The following TTC29 variants were observed in gnomAD, a reference collection of about 807,000 sequenced individuals.
The protein encoded by TTC29 is tetratricopeptide repeat protein 29.
In TTC29, 49 loss-of-function variants were observed where a neutral mutation model predicts 58.1. The ratio of observed to expected loss-of-function variants is 0.84; its 90% confidence interval spans 0.67 to 1.07. The LOEUF (loss-of-function observed/expected upper bound fraction) is 1.07, where lower values mean the gene tolerates loss of function less well. Ranked by LOEUF, TTC29 falls within the 50% of genes least tolerant of loss-of-function variation. The pLI is 0.00. For synonymous variants in TTC29, 209 were observed against 196.8 expected, an observed-to-expected ratio of 1.06 and a Z score of -0.52; for missense variants, 582 against 555.6, an observed-to-expected ratio of 1.05 and a Z score of -0.48.
In TTC29 at chr4:146,860,537, C is replaced by A. The variant is rs557724157; in HGVS notation, c.885+6961G>T. Reference sequence around the variant, plus strand: ...TTGAATCCTATATTCACTGTTTCTTCCTATACAGTCATAGGCAGGCAGCAT... The same window carrying A: ...TTGAATCCTATATTCACTGTTTCTTACTATACAGTCATAGGCAGGCAGCAT... On this transcript the variant is annotated intron_variant, in intron 8 of 12. Coordinates refer to ENST00000325106, the MANE Select transcript of TTC29 (RefSeq NM_031956.4). 5.3e-5 allele frequency among the ~76,000 whole-genome samples: 8 copies of A among 152,108 alleles called. No homozygotes were observed. The East Asian group carries it at 1.5e-3, about 29-fold the overall frequency.
intron 11 of TTC29, among the ~76,000 whole-genome samples, chr4:146,721,478 C>T (rs1051323014): frequency 6.6e-6 from 1 of 152,002 alleles, no homozygotes; most frequent in Non-Finnish European, 1.5e-5. Flanking sequence ...TATATTTGTC[C>T]CTGTATCTGT....
At chr4:146,831,948 G>A (rs1298744751) in intron 9 of TTC29, among the ~76,000 whole-genome samples, 2 of 151,978 alleles carry the variant, frequency 1.3e-5, no homozygotes, top group Admixed American at 6.6e-5. Flanking sequence ...TTATTTTTGC[G>A]ATGAGGTCTT....
At chr4:146,823,138 T>C (rs554857851) in intron 9 of TTC29, among the ~76,000 whole-genome samples, 1 of 152,386 alleles carries the variant, frequency 6.6e-6, no homozygotes, top group East Asian at 1.9e-4. Context: ...TTTGTTTTTG[T>C]TGCAATTGCT....
chr4:146,895,828 A>G (rs1487679876), intron 6 of TTC29, among the ~76,000 whole-genome samples: 1 of 152,082 alleles, frequency 6.6e-6, no homozygotes, highest in African/African-American at 2.4e-5. Context: ...GCTTTGTTCA[A>G]TTGTTTTTGT....
At chr4:146,834,482 CTTAAT>C (rs1455614519) in intron 8 of TTC29, among the ~76,000 whole-genome samples, 10 of 152,144 alleles carry the variant, frequency 6.6e-5, no homozygotes, top group Non-Finnish European at 2.9e-5. Context: ...AACATGTGAT[CTTAAT>C]TTAATTTAAC....
At chr4:146,942,067 T>C (rs1365741416) in intron 2 of TTC29, among the ~76,000 whole-genome samples, 2 of 152,232 alleles carry the variant, frequency 1.3e-5, no homozygotes, top group African/African-American at 2.4e-5. Flanking sequence ...TTTGTGTTAC[T>C]GAAAAAGATT....
At chr4:146,741,893 C>T (rs1039978703) in intron 11 of TTC29, among the ~76,000 whole-genome samples, 6 of 152,208 alleles carry the variant, frequency 3.9e-5, no homozygotes, top group Admixed American at 2.0e-4. Flanking sequence ...GCACTGCATA[C>T]CTTGATTTTA....
chr4:146,817,375 G>A (rs964282482), intron 10 of TTC29, among the ~76,000 whole-genome samples: 9 of 152,152 alleles, frequency 5.9e-5, no homozygotes, highest in South Asian at 2.1e-4. Flanking sequence ...CAACTTACAA[G>A]GGATGTGAAG....
intron 4 of TTC29, among the ~76,000 whole-genome samples, chr4:146,931,005 T>C (rs576547629): frequency 1.3e-5 from 2 of 152,326 alleles, no homozygotes; most frequent in East Asian, 3.9e-4. Flanking sequence ...ACTGCGAGTT[T>C]ATCTGTACAT....
At chr4:146,902,071 T>C (rs1423200711) in intron 6 of TTC29, among the ~76,000 whole-genome samples, 1 of 152,244 alleles carries the variant, frequency 6.6e-6, no homozygotes, top group African/African-American at 2.4e-5. Flanking sequence ...TGCAGTGGAA[T>C]ACTTAAATAT....
intron 11 of TTC29, among the ~76,000 whole-genome samples, chr4:146,738,341 C>T (rs930096791): frequency 1.3e-5 from 2 of 152,166 alleles, no homozygotes; most frequent in African/African-American, 4.8e-5. Flanking sequence ...TTGTCTTTAA[C>T]TCAGTTATCC....
chr4:146,903,423 T>C (rs1246821707), intron 6 of TTC29, 121 bp downstream of exon 6: 2 of 895,712 alleles, frequency 2.2e-6, no homozygotes, highest in African/African-American at 1.7e-5. Context: ...TTGATCTCAA[T>C]AATATACATG....
intron 4 of TTC29, among the ~76,000 whole-genome samples, chr4:146,918,490 T>G (rs760928565): frequency 2.6e-4 from 39 of 151,194 alleles, no homozygotes; most frequent in Non-Finnish European, 5.2e-4. Context: ...TTTCACAGAT[T>G]CTATTTTGAT....
chr4:146,791,743 G>C (rs1487956472), intron 11 of TTC29, among the ~76,000 whole-genome samples: 1 of 152,140 alleles, frequency 6.6e-6, no homozygotes, highest in Non-Finnish European at 1.5e-5. Flanking sequence ...CAAACAGTTA[G>C]CCAAGTTGTG....
chr4:146,728,441 C>T (rs184209026), intron 11 of TTC29, among the ~76,000 whole-genome samples: 1 of 151,632 alleles, frequency 6.6e-6, no homozygotes, highest in Non-Finnish European at 1.5e-5. Context: ...TTTGCTTGCC[C>T]TTCAGCCTGG....
chr4:146,757,669 C>T (rs1394290331), intron 11 of TTC29, among the ~76,000 whole-genome samples: 5 of 152,142 alleles, frequency 3.3e-5, no homozygotes, highest in Non-Finnish European at 7.4e-5. Flanking sequence ...TCTTCAGCCT[C>T]CTTAAACAAA....
intron 8 of TTC29, among the ~76,000 whole-genome samples, chr4:146,864,669 C>T (rs1283352166): frequency 6.6e-6 from 1 of 152,116 alleles, no homozygotes; most frequent in East Asian, 1.9e-4. Flanking sequence ...TCTTTTATCT[C>T]CTGGCGGTTC....
At chr4:146,757,664 A>G (rs1406537607) in intron 11 of TTC29, among the ~76,000 whole-genome samples, 3 of 152,184 alleles carry the variant, frequency 2.0e-5, no homozygotes, top group Non-Finnish European at 4.4e-5. Flanking sequence ...CACTATCTTC[A>G]GCCTCCTTAA....
At chr4:146,816,923 C>T (rs1382620389) in intron 10 of TTC29, among the ~76,000 whole-genome samples, 1 of 152,144 alleles carries the variant, frequency 6.6e-6, no homozygotes, top group African/African-American at 2.4e-5. Context: ...GGTTTGAATA[C>T]CATTGCCACC....
Sources: allele counts gnomAD v4.1 joint callset (sites outside exome capture counted in the v4.1 genomes callset), GRCh38; gene constraint gnomAD v4.1.1; transcripts MANE v1.5; gene names NCBI Gene and HGNC (gene_info 2026-07-23, HGNC 2026-07-21).